CAMTA1: variants seen among roughly 807,000 people sequenced by gnomAD.
CAMTA1 encodes the protein calmodulin binding transcription activator 1.
A neutral mutation model predicts 170.9 loss-of-function variants in CAMTA1; 27 were observed. That is an observed-to-expected ratio of 0.16 (90% CI 0.12 to 0.22). The LOEUF (loss-of-function observed/expected upper bound fraction) is 0.22, where lower values mean the gene tolerates loss of function less well. Ranked by LOEUF, CAMTA1 falls within the 10% of genes least tolerant of loss-of-function variation. CAMTA1 has a pLI of 1.00. For synonymous variants in CAMTA1, 833 were observed against 891.5 expected (o/e 0.93, Z 1.17); for missense variants, 1,619 against 2,217.2 (o/e 0.73, Z 5.42).
chr1:7,288,509 G>T (rs1167992611), intron 5 of CAMTA1, among the ~76,000 whole-genome samples: 1 of 152,208 alleles, frequency 6.6e-6, no homozygotes, highest in African/African-American at 2.4e-5. Context: ...GGGCCGTTCA[G>T]TCAATAGAGA....
intron 7 of CAMTA1, among the ~76,000 whole-genome samples, chr1:7,654,313 G>A (rs1190930270): frequency 6.6e-6 from 1 of 152,020 alleles, no homozygotes; most frequent in Non-Finnish European, 1.5e-5. Context: ...CCAAGGGTCG[G>A]AGGTTGCAGT....
chr1:6,907,256 A>G (rs1360282680), intron 3 of CAMTA1, among the ~76,000 whole-genome samples: 1 of 152,166 alleles, frequency 6.6e-6, no homozygotes, highest in Non-Finnish European at 1.5e-5. Flanking sequence ...GAGTCGCCAG[A>G]CATCTGGGCT....
chr1:6,897,254 T>TG (rs150288150), intron 3 of CAMTA1, among the ~76,000 whole-genome samples: 3 of 152,080 alleles, frequency 2.0e-5, no homozygotes, highest in Non-Finnish European at 4.4e-5. Context: ...GGTGGGAAGA[T>TG]GGGGGTGGAA....
chr1:7,750,984 T>A (rs2096892825), intron 19 of CAMTA1: 2 of 690,264 alleles, frequency 2.9e-6, no homozygotes, highest in Non-Finnish European at 5.3e-6. Flanking sequence ...AAAAAATATA[T>A]GTCTGAAGGC....
At chr1:7,733,098 A>C (rs2096746438) in intron 12 of CAMTA1, among the ~76,000 whole-genome samples, 1 of 152,048 alleles carries the variant, frequency 6.6e-6, no homozygotes, top group Admixed American at 6.5e-5. Context: ...GCTACTCAGG[A>C]GGCTGAAGTG....
At chr1:6,864,480 A>T (rs181604081) in intron 3 of CAMTA1, among the ~76,000 whole-genome samples, 20 of 152,176 alleles carry the variant, frequency 1.3e-4, no homozygotes, top group Non-Finnish European at 2.9e-4. Context: ...TGTACTTGAG[A>T]TACCACCCCA....
At chr1:7,490,878 G>C (rs2093693696) in intron 6 of CAMTA1, among the ~76,000 whole-genome samples, 1 of 152,102 alleles carries the variant, frequency 6.6e-6, no homozygotes, top group Non-Finnish European at 1.5e-5. Context: ...GAAGACTTTG[G>C]GCCTCCAGGC....
At chr1:7,637,810 G>T (rs550633335) in intron 6 of CAMTA1, among the ~76,000 whole-genome samples, 1 of 152,190 alleles carries the variant, frequency 6.6e-6, no homozygotes, top group Non-Finnish European at 1.5e-5. Context: ...TGCCCAGCCC[G>T]CCTCCTTGGC....
intron 3 of CAMTA1, among the ~76,000 whole-genome samples, chr1:7,006,838 C>T (rs966698588): frequency 5.3e-5 from 8 of 152,156 alleles, no homozygotes; most frequent in African/African-American, 1.4e-4. Flanking sequence ...CCCTTAACCT[C>T]TTCATGACAT....
At chr1:7,278,528 G>A (rs1671058178) in intron 5 of CAMTA1, among the ~76,000 whole-genome samples, 1 of 152,166 alleles carries the variant, frequency 6.6e-6, no homozygotes, top group Admixed American at 6.5e-5. Flanking sequence ...ACTCTGCAAT[G>A]TTTCATCGAT....
Position 7,093,104 on chromosome 1 carries a change from A to G in CAMTA1, c.302+1733A>G, listed in dbSNP as rs1262539257. On this transcript the variant is annotated intron_variant, in intron 4 of 22. Transcript: ENST00000303635. This position sits in a 1 kb window ranked among gnomAD's most constrained non-coding sequence, Gnocchi z 4.6. Reference sequence around the variant, plus strand: ...GCCATGTTAAACTAGAGAGCCTGACATGCTCATTTCCCCTTTCTTCTGCGG... The same window carrying G: ...GCCATGTTAAACTAGAGAGCCTGACGTGCTCATTTCCCCTTTCTTCTGCGG... Among the ~76,000 whole-genome samples the G allele has an allele frequency of 6.6e-6, 1 of 152,210 alleles. No homozygotes were observed. Among genetic ancestry groups the G allele is most frequent in the Non-Finnish European group, 1.5e-5 (1 of 68,040 alleles).
Position 7,547,829 on chromosome 1 carries a change from G to GCC in CAMTA1, c.510+79932_510+79933dup, listed in dbSNP as rs145226353. ...CTCACATCTCTGCCACCCCATGTGGGCCCCCTCCAAACCCAGACTCTGACA... is the reference window on the plus strand; with the variant it reads ...CTCACATCTCTGCCACCCCATGTGGGCCCCCCCTCCAAACCCAGACTCTGACA... On this transcript the variant is annotated intron_variant, in intron 6 of 22. Coordinates refer to ENST00000303635, the MANE Select transcript of CAMTA1 (RefSeq NM_015215.4). This position sits in a 1 kb window ranked among gnomAD's most constrained non-coding sequence, Gnocchi z 5.7. Among the ~76,000 whole-genome samples, 2 of 151,780 alleles carry GCC rather than the reference G, an allele frequency of 1.3e-5. No individual in the cohort carries two copies. The highest frequency in any genetic ancestry group is 2.4e-5 in the African/African-American group (1 of 41,290).
intron 6 of CAMTA1, among the ~76,000 whole-genome samples, chr1:7,498,173 T>C (rs746270018): frequency 4.0e-5 from 5 of 125,884 alleles, no homozygotes; most frequent in Non-Finnish European, 8.3e-5. Context: ...TGTGTGTGCA[T>C]GTGTGTGTAT....
intron 6 of CAMTA1, among the ~76,000 whole-genome samples, chr1:7,510,921 T>G (rs557647912): frequency 6.9e-6 from 1 of 145,090 alleles, no homozygotes; most frequent in Non-Finnish European, 1.5e-5. Context: ...CTGCCCCATC[T>G]GCCTGTCCAC....
intron 4 of CAMTA1, among the ~76,000 whole-genome samples, chr1:7,198,178 A>T (rs1304171170): frequency 1.3e-5 from 2 of 151,950 alleles, no homozygotes. Context: ...TTTCTCTTGC[A>T]TAAAAGGTTG....
chr1:7,335,981 A>T (rs11120903), intron 5 of CAMTA1, among the ~76,000 whole-genome samples: 7,674 of 152,286 alleles, frequency 0.05, 402 homozygotes, highest in African/African-American at 0.13. Flanking sequence ...TCGACTCTGG[A>T]AACCGGCTTT....
chr1:7,518,986 G>A (rs2094324892), intron 6 of CAMTA1, among the ~76,000 whole-genome samples: 1 of 152,006 alleles, frequency 6.6e-6, no homozygotes, highest in Non-Finnish European at 1.5e-5. Flanking sequence ...AGCCCTCCTG[G>A]GGAGAGCAAG....
chr1:7,450,086 G>A (rs1020865685), intron 5 of CAMTA1, among the ~76,000 whole-genome samples: 4 of 152,132 alleles, frequency 2.6e-5, no homozygotes, highest in African/African-American at 4.8e-5. Flanking sequence ...GCAGGGATGC[G>A]GCCCCCTTGG....
intron 5 of CAMTA1, among the ~76,000 whole-genome samples, chr1:7,434,419 G>A (rs12095680): frequency 6.6e-6 from 1 of 151,788 alleles, no homozygotes; most frequent in Non-Finnish European, 1.5e-5. Flanking sequence ...GCAGTGATGG[G>A]TTGGCCACCC....
Sources: allele counts gnomAD v4.1 joint callset (sites outside exome capture counted in the v4.1 genomes callset), GRCh38; gene constraint gnomAD v4.1.1; non-coding constraint Gnocchi (gnomAD v3.1); transcripts MANE v1.5; gene names NCBI Gene and HGNC (gene_info 2026-07-23, HGNC 2026-07-21).